The following GRAMD4 variants were observed in gnomAD, a reference collection of about 807,000 sequenced individuals.
GRAMD4 encodes the protein GRAM domain-containing protein 4.
GRAMD4 carries 25 observed loss-of-function variants against 83.9 expected under a neutral mutation model. That is an observed-to-expected ratio of 0.30 (90% CI 0.22 to 0.42). GRAMD4 has a LOEUF of 0.42. Ranked by LOEUF, GRAMD4 falls within the 10% of genes least tolerant of loss-of-function variation. The probability of loss-of-function intolerance (pLI) is 1.00; values close to 1 mark genes in which losing one functional copy is unlikely to be tolerated. For synonymous variants in GRAMD4, 336 were observed against 320.9 expected (o/e 1.05, Z -0.50); for missense variants, 593 against 788.7 (o/e 0.75, Z 2.97).
chr22:46,586,653 G>A (rs866341195), intron 1 of GRAMD4, among the ~76,000 whole-genome samples: 1 of 152,366 alleles, frequency 6.6e-6, no homozygotes, highest in African/African-American at 2.4e-5. Context: ...GCTCTGGTGT[G>A]GCGGAATCGC....
At chr22:46,591,001 A>G (rs1320580316) in intron 1 of GRAMD4, among the ~76,000 whole-genome samples, 2 of 152,146 alleles carry the variant, frequency 1.3e-5, no homozygotes, top group African/African-American at 2.4e-5. Flanking sequence ...CGGAGATTGC[A>G]GTAAGCCAAG....
rs767784339 is a variant in GRAMD4, at chr22:46,658,245, G to A, written c.342G>A (p.Leu114=). 4 of 1,613,542 alleles carry A rather than the reference G, an allele frequency of 2.5e-6. No homozygotes were observed. The highest frequency in any genetic ancestry group is 1.1e-5 in the South Asian group (1 of 91,078). Residue 114 remains leucine, a synonymous_variant, in exon 4 of 19, where the codon CTG becomes CTA. Transcript: ENST00000406902. ...ETNAEMLRQE[L]DRERQRRMEL... is the part of the protein sequence containing the mutation. The stretch of plus-strand genomic sequence containing the variant: ...ACGCGGAGATGCTGCGGCAGGAGCT[G>A]GACCGCGAGCGGCAGCGGCGGATGG...
chr22:46,663,140 T>G lies in GRAMD4; in HGVS notation c.567T>G (p.Thr189=), dbSNP rs987180686. The G allele has an allele frequency of 1.2e-6, 2 of 1,612,356 alleles. No individual in the cohort carries two copies. Among genetic ancestry groups the G allele is most frequent in the East Asian group, 4.5e-5 (2 of 44,846 alleles). ...TCCGGTTCCAGCCCGAGGAGAACAC[T>G]GTGGAGACAGAGGAACCCCTGAGCG... The part of the protein sequence containing the change: ...EDFRFQPEEN[T]VETEEPLSAR... The change falls in exon 6 of 19, where the codon ACT becomes ACG. Residue 189 remains threonine, a synonymous_variant. Transcript: ENST00000406902.
At chr22:46,666,715 C>A in intron 9 of GRAMD4, 110 bp from the exon 10 acceptor site, 1 of 900,942 alleles carries the variant, frequency 1.1e-6, no homozygotes, top group South Asian at 1.3e-5. Context: ...ATAGAAGGAC[C>A]TAGAAGGGCC....
Position 46,678,048 on chromosome 22 carries a change from G to A in GRAMD4, c.*797G>A. On this transcript the variant is annotated 3_prime_UTR_variant, in exon 19 of 19. Coordinates refer to ENST00000406902, the MANE Select transcript of GRAMD4 (RefSeq NM_015124.5). The stretch of plus-strand genomic sequence containing the variant: ...TGGGGACCAGTAAGGGCACAGGATG[G>A]TGCAGGTAAAAGCACATCTTTCTCA... 1.0e-6 allele frequency: 1 copy of A among 985,724 alleles called. No homozygotes were observed. The highest frequency in any genetic ancestry group is 1.2e-6 in the Non-Finnish European group (1 of 830,116). The allele number at this position is 985,724 out of a possible 1,614,324, so 61.1% of individuals were successfully genotyped here.
At chr22:46,597,441 T>TC (rs1202701312) in intron 1 of GRAMD4, among the ~76,000 whole-genome samples, 1 of 152,170 alleles carries the variant, frequency 6.6e-6, no homozygotes, top group East Asian at 1.9e-4. Context: ...TCTCTCTTGC[T>TC]CAAGTTTCAG....
intron 2 of GRAMD4, among the ~76,000 whole-genome samples, chr22:46,631,471 G>A (rs1248350733): frequency 8.1e-5 from 10 of 123,346 alleles, no homozygotes; most frequent in East Asian, 2.5e-4. Flanking sequence ...AGAACCTCAC[G>A]GCCTGTGTCC....
At chr22:46,616,584 G>A (rs1267592794), upstream of GRAMD4, among the ~76,000 whole-genome samples, 11 of 141,024 alleles carry the variant, frequency 7.8e-5, no homozygotes, top group South Asian at 2.3e-4. Flanking sequence ...TCCCCTGTGC[G>A]TGCAGGTTCC....
At chr22:46,617,272 TC>T, upstream of GRAMD4, among the ~76,000 whole-genome samples, 1 of 149,160 alleles carries the variant, frequency 6.7e-6, no homozygotes, top group Admixed American at 6.7e-5. Context: ...GCTTGTGGGT[TC>T]CCCCGTGTGT....
At chr22:46,578,202 T>C (rs918667250) in intron 1 of GRAMD4, among the ~76,000 whole-genome samples, 3 of 152,068 alleles carry the variant, frequency 2.0e-5, no homozygotes, top group African/African-American at 7.2e-5. Flanking sequence ...CTGCCTTGTG[T>C]GGGTTAGGAA....
In GRAMD4 at chr22:46,677,552, T is replaced by C; in HGVS notation, c.*301T>C. 8.6e-7 allele frequency: 1 copy of C among 1,156,674 alleles called. No homozygotes were observed. The highest frequency in any genetic ancestry group is 1.1e-6 in the Non-Finnish European group (1 of 934,062). The allele number at this position is 1,156,674 out of a possible 1,614,324, so 71.7% of individuals were successfully genotyped here. The stretch of plus-strand genomic sequence containing the variant: ...CCGTGGAGAAGACACACAGGACCCC[T>C]GGCCCTGCCCTTCTCCGTTCCAGCC... On this transcript the variant is annotated 3_prime_UTR_variant, in exon 19 of 19. Coordinates refer to ENST00000406902, the MANE Select transcript of GRAMD4 (RefSeq NM_015124.5).
chr22:46,617,037 C>G (rs1222422516), upstream of GRAMD4, among the ~76,000 whole-genome samples: 1 of 139,992 alleles, frequency 7.1e-6, no homozygotes. Context: ...TGTAGGTTCC[C>G]CTGTGCGTGT....
At chr22:46,653,059 T>C (rs993881688) in intron 3 of GRAMD4, among the ~76,000 whole-genome samples, 1 of 152,132 alleles carries the variant, frequency 6.6e-6, no homozygotes, top group African/African-American at 2.4e-5. Context: ...GAAGGACTCA[T>C]GGGAGAGCAG....
rs1030203662 is a variant in GRAMD4, at chr22:46,613,589, C to T, written c.-49-13162C>T. Among the ~76,000 whole-genome samples, 8 of 152,082 alleles carry T rather than the reference C, an allele frequency of 5.3e-5. No homozygotes were observed. In the East Asian group the frequency reaches 7.7e-4, roughly 15 times the overall value. On this transcript the variant is annotated intron_variant, in intron 1 of 1. Coordinates refer to the GRAMD4 transcript ENST00000431155. ...TAACTTGGGCTGGGTGGCGGCTACC[C>T]GATGGCTGGGAAGGCCGTCTCGGAC...
chr22:46,603,717 TG>T (rs2081338277), intron 1 of GRAMD4, among the ~76,000 whole-genome samples: 1 of 138,172 alleles, frequency 7.2e-6, no homozygotes. Context: ...GGGGTTTCAA[TG>T]TGTTAGCCAG....
chr22:46,671,705 G>T (rs1001218781), intron 13 of GRAMD4, among the ~76,000 whole-genome samples: 1 of 151,306 alleles, frequency 6.6e-6, no homozygotes, highest in Admixed American at 6.6e-5. Flanking sequence ...AAATTTAGCC[G>T]GGTGTGGTGG....
rs1446813912 is a variant in GRAMD4 at position 46,622,698 on chromosome 22, G to A, written c.-50+2133G>A. 1.3e-5 allele frequency among the ~76,000 whole-genome samples: 2 copies of A among 152,150 alleles called. No individual in the cohort carries two copies. The highest frequency in any genetic ancestry group is 2.9e-5 in the Non-Finnish European group (2 of 68,020). On this transcript the variant is annotated intron_variant, in intron 1 of 18. Transcript: ENST00000406902. This position sits in a 1 kb window ranked among gnomAD's most constrained non-coding sequence, Gnocchi z 4.0. ...GGAGGCCGAGGCGGGTGGATCACGAGGTCAGGAGATTGAGACCATCCTGGC... is the reference window on the plus strand; with the variant it reads ...GGAGGCCGAGGCGGGTGGATCACGAAGTCAGGAGATTGAGACCATCCTGGC...
chr22:46,626,004 G>A (rs2081652595), intron 1 of GRAMD4, among the ~76,000 whole-genome samples: 1 of 152,246 alleles, frequency 6.6e-6, no homozygotes, highest in African/African-American at 2.4e-5. Flanking sequence ...GGCCATGGGT[G>A]CCTGACCCCG....
At chr22:46,623,850 C>T (rs1400768792) in intron 1 of GRAMD4, among the ~76,000 whole-genome samples, 2 of 150,106 alleles carry the variant, frequency 1.3e-5, no homozygotes, top group African/African-American at 4.9e-5. Context: ...GGCGTGATCT[C>T]GGCTCACTGC....
Sources: gnomAD v4.1 joint callset for allele counts (sites outside exome capture counted in the v4.1 genomes callset) on GRCh38, gnomAD v4.1.1 for gene constraint, Gnocchi (gnomAD v3.1) non-coding constraint, MANE v1.5 for transcripts, NCBI Gene and HGNC (gene_info 2026-07-23, HGNC 2026-07-21) for gene names.